ADAMTS6: variants seen among roughly 807,000 people sequenced by gnomAD.
The protein encoded by ADAMTS6 is A disintegrin and metalloproteinase with thrombospondin motifs 6.
A neutral mutation model predicts 144.3 loss-of-function variants in ADAMTS6; 23 were observed. The ratio of observed to expected loss-of-function variants is 0.16; its 90% CI spans 0.11 to 0.23. The LOEUF (loss-of-function observed/expected upper bound fraction) is 0.23. Among genes scored for constraint, ADAMTS6 ranks in the 10% least tolerant of loss-of-function variants. ADAMTS6 has a pLI of 1.00. For missense variants in ADAMTS6, 999 were observed against 1,379.6 expected (o/e 0.72, Z 4.37); for synonymous variants, 444 against 457.5 (o/e 0.97, Z 0.38).
intron 12 of ADAMTS6, among the ~76,000 whole-genome samples, chr5:65,273,064 A>C (rs1412821290): frequency 1.3e-5 from 2 of 152,238 alleles, no homozygotes; most frequent in Non-Finnish European, 2.9e-5. Flanking sequence ...TTACATAACA[A>C]AAAGATTGTT....
chr5:65,339,411 G>A (rs1398968951), intron 7 of ADAMTS6, among the ~76,000 whole-genome samples: 1 of 149,314 alleles, frequency 6.7e-6, no homozygotes, highest in Non-Finnish European at 1.5e-5. Context: ...TTTTCTACCA[G>A]TTGCACAGAA....
At chr5:65,232,423 A>T (rs1561308101) in intron 15 of ADAMTS6, among the ~76,000 whole-genome samples, 1 of 151,900 alleles carries the variant, frequency 6.6e-6, no homozygotes, top group African/African-American at 2.4e-5. Flanking sequence ...AATTGAGTTG[A>T]TTTTTTTTAA....
intron 7 of ADAMTS6, among the ~76,000 whole-genome samples, chr5:65,436,857 C>CAAAA (rs34040574): frequency 8.7e-6 from 1 of 114,610 alleles, no homozygotes. Flanking sequence ...GACTCTGTCT[C>CAAAA]AAAAAAAAAA....
At chr5:65,248,450 A>T (rs951251170) in intron 14 of ADAMTS6, among the ~76,000 whole-genome samples, 1 of 152,112 alleles carries the variant, frequency 6.6e-6, no homozygotes, top group African/African-American at 2.4e-5. Flanking sequence ...AATAGTCTGA[A>T]TTTAATTAAA....
rs577439884 is a variant in ADAMTS6 at position 65,411,492 on chromosome 5, T to C, written c.1073+39983A>G. ...ATGACTGTAATCCAATGGAATCCTA[T>C]TATCTCCTTCATCAGCATTTTCCTC... On this transcript the variant is annotated intron_variant, in intron 7 of 24. Coordinates refer to ENST00000381055, the MANE Select transcript of ADAMTS6 (RefSeq NM_197941.4). Among the ~76,000 whole-genome samples, 7 of 152,334 alleles carry C rather than the reference T, an allele frequency of 4.6e-5. No individual in the cohort carries two copies. In the South Asian group the frequency reaches 8.3e-4, roughly 18 times the overall value.
chr5:65,330,626 T>C (rs1389319), intron 8 of ADAMTS6, among the ~76,000 whole-genome samples: 17,246 of 152,214 alleles, frequency 0.11, 1,051 homozygotes, highest in African/African-American at 0.15. Flanking sequence ...ATATTTTTAC[T>C]GACAAGAAAG....
At position 65,410,681 on chromosome 5, in the gene ADAMTS6, C is replaced by A. The variant is rs188211317; in HGVS notation, c.1073+40794G>T. Among the ~76,000 whole-genome samples, 8 of 152,208 alleles carry A rather than the reference C, an allele frequency of 5.3e-5. No homozygotes were observed. The East Asian group carries it at 1.5e-3, about 29-fold the overall frequency. ...GTGTCCTATGATCAACATCTCCTAA[C>A]CCCCACAACTTCTGGCAACCACCAT... is the stretch of plus-strand genomic sequence containing the variant. On this transcript the variant is annotated intron_variant, in intron 7 of 24. Transcript: ENST00000381055.
intron 20 of ADAMTS6, chr5:65,210,961 G>A: frequency 4.6e-6 from 1 of 217,668 alleles, no homozygotes; most frequent in Non-Finnish European, 9.3e-6. Context: ...CTTAATGACA[G>A]CAAAAACAAA....
At chr5:65,474,772 A>G (rs1760724507) in intron 1 of ADAMTS6, among the ~76,000 whole-genome samples, 1 of 143,244 alleles carries the variant, frequency 7.0e-6, no homozygotes, top group Admixed American at 7.1e-5. Context: ...GCTAAAAACT[A>G]GCCACAAACA....
chr5:65,208,483 G>C (rs1190836759), intron 20 of ADAMTS6, among the ~76,000 whole-genome samples: 1 of 152,006 alleles, frequency 6.6e-6, no homozygotes, highest in Non-Finnish European at 1.5e-5. Context: ...TTATGGGTGG[G>C]GATATATCAT....
At chr5:65,296,276 C>G (rs1742832561) in intron 10 of ADAMTS6, among the ~76,000 whole-genome samples, 1 of 152,136 alleles carries the variant, frequency 6.6e-6, no homozygotes, top group Admixed American at 6.5e-5. Context: ...TACAGTAAGT[C>G]AACTGTCTTA....
At chr5:65,297,339 T>G (rs1426769552) in intron 10 of ADAMTS6, 1 of 431,240 alleles carries the variant, frequency 2.3e-6, no homozygotes, top group Non-Finnish European at 4.6e-6. Flanking sequence ...TGTATTCTAT[T>G]GGCCATGGAA....
chr5:65,292,873 CT>C (rs1197826176), intron 10 of ADAMTS6, among the ~76,000 whole-genome samples: 1 of 152,024 alleles, frequency 6.6e-6, no homozygotes, highest in Non-Finnish European at 1.5e-5. Context: ...AAAGAACAAA[CT>C]TTTTTCACCC....
intron 7 of ADAMTS6, among the ~76,000 whole-genome samples, chr5:65,425,965 A>G (rs1756482131): frequency 6.6e-6 from 1 of 151,524 alleles, no homozygotes; most frequent in Non-Finnish European, 1.5e-5. Flanking sequence ...GGATTTCACC[A>G]TGGTCTCGAT....
intron 9 of ADAMTS6, among the ~76,000 whole-genome samples, chr5:65,322,635 G>C (rs957732558): frequency 6.7e-5 from 8 of 119,232 alleles, no homozygotes; most frequent in Admixed American, 3.0e-4. Flanking sequence ...TATTCATTTT[G>C]TGGCAATTGT....
At chr5:65,330,935 A>G (rs1206328392) in intron 8 of ADAMTS6, among the ~76,000 whole-genome samples, 1 of 152,068 alleles carries the variant, frequency 6.6e-6, no homozygotes, top group African/African-American at 2.4e-5. Context: ...AATATTTAAT[A>G]TTTGTTTAAA....
intron 14 of ADAMTS6, among the ~76,000 whole-genome samples, chr5:65,252,228 A>C (rs1490634871): frequency 6.6e-6 from 1 of 152,174 alleles, no homozygotes; most frequent in Non-Finnish European, 1.5e-5. Context: ...CATGACCACA[A>C]GACATTATGA....
chr5:65,288,375 A>C (rs1382418034), intron 11 of ADAMTS6, among the ~76,000 whole-genome samples: 1 of 147,392 alleles, frequency 6.8e-6, no homozygotes, highest in Non-Finnish European at 1.5e-5. Context: ...ACTGGAGTGC[A>C]GTGGCACTAT....
intron 14 of ADAMTS6, among the ~76,000 whole-genome samples, chr5:65,244,571 C>A (rs1243175090): frequency 2.0e-5 from 3 of 152,086 alleles, no homozygotes; most frequent in Non-Finnish European, 2.9e-5. Context: ...TTAACAATAA[C>A]AATAGCGAGC....
Sources: allele counts gnomAD v4.1 joint callset (sites outside exome capture counted in the v4.1 genomes callset), GRCh38; gene constraint gnomAD v4.1.1; transcripts MANE v1.5; gene names NCBI Gene and HGNC (gene_info 2026-07-23, HGNC 2026-07-21).